The following LRP1B variants were observed in gnomAD, a reference collection of about 807,000 sequenced individuals.
The protein encoded by LRP1B is LDL receptor related protein 1B.
LRP1B carries 217 observed loss-of-function variants against 556.6 expected under a neutral mutation model. The ratio of observed to expected loss-of-function variants is 0.39; its 90% CI spans 0.35 to 0.44. The LOEUF (loss-of-function observed/expected upper bound fraction) is 0.44. Among genes scored for constraint, LRP1B ranks in the 20% least tolerant of loss-of-function variants. LRP1B has a pLI of 1.00. For missense variants in LRP1B, 5,053 were observed against 5,620.8 expected (o/e 0.90, Z 3.23); for synonymous variants, 2,047 against 1,865.8 (o/e 1.10, Z -2.50).
chr2:140,383,536 G>A (rs558267111), intron 67 of LRP1B, among the ~76,000 whole-genome samples: 1 of 151,952 alleles, frequency 6.6e-6, no homozygotes, highest in African/African-American at 2.4e-5. Flanking sequence ...ATTTCTTCTG[G>A]CCTATTCAAA....
chr2:140,765,533 A>G (rs1400390590), intron 35 of LRP1B, among the ~76,000 whole-genome samples: 1 of 152,172 alleles, frequency 6.6e-6, no homozygotes, highest in Non-Finnish European at 1.5e-5. Flanking sequence ...CCCAGCAGGC[A>G]AGGATTTTCA....
At chr2:141,983,560 G>C (rs1386730599) in intron 1 of LRP1B, among the ~76,000 whole-genome samples, 1 of 152,110 alleles carries the variant, frequency 6.6e-6, no homozygotes, top group East Asian at 1.9e-4. Context: ...TAAAGTAGAA[G>C]TAGTTACTAC....
chr2:141,256,463 G>T (rs1328130695), intron 3 of LRP1B, among the ~76,000 whole-genome samples: 1 of 151,944 alleles, frequency 6.6e-6, no homozygotes, highest in Non-Finnish European at 1.5e-5. Context: ...TTCTGTTTAG[G>T]CAACAGGAGA....
chr2:140,453,916 A>G (rs1485779281), intron 62 of LRP1B, among the ~76,000 whole-genome samples: 1 of 152,208 alleles, frequency 6.6e-6, no homozygotes, highest in African/African-American at 2.4e-5. Context: ...GATGCTTACT[A>G]GCATGATTCT....
chr2:140,289,884 T>G (rs1683305652), intron 84 of LRP1B, among the ~76,000 whole-genome samples: 1 of 152,042 alleles, frequency 6.6e-6, no homozygotes, highest in South Asian at 2.1e-4. Context: ...GAAACTGGAA[T>G]GTAAGCACCC....
chr2:141,136,127 AG>A (rs1364475443), intron 7 of LRP1B, among the ~76,000 whole-genome samples: 1 of 151,952 alleles, frequency 6.6e-6, no homozygotes, highest in Non-Finnish European at 1.5e-5. Flanking sequence ...TAAATATAAA[AG>A]GACATAGGCT....
chr2:141,025,773 C>T (rs1168104095), intron 11 of LRP1B, among the ~76,000 whole-genome samples: 1 of 152,000 alleles, frequency 6.6e-6, no homozygotes, highest in Non-Finnish European at 1.5e-5. Flanking sequence ...TTCTGTTTCT[C>T]TAGAGAATCC....
intron 41 of LRP1B, among the ~76,000 whole-genome samples, chr2:140,679,739 G>A (rs879555221): frequency 6.6e-6 from 1 of 151,894 alleles, no homozygotes; most frequent in African/African-American, 2.4e-5. Context: ...ACTGGTGCCT[G>A]AGCATAAGGG....
chr2:140,980,889 A>G (rs1215490116), intron 18 of LRP1B, among the ~76,000 whole-genome samples: 1 of 152,214 alleles, frequency 6.6e-6, no homozygotes, highest in Non-Finnish European at 1.5e-5. Flanking sequence ...TAGTATATAT[A>G]CACCATGGAA....
intron 3 of LRP1B, among the ~76,000 whole-genome samples, chr2:141,467,066 G>A (rs1162231905): frequency 1.4e-5 from 2 of 140,340 alleles, no homozygotes; most frequent in Admixed American, 7.1e-5. Context: ...TGGCTCCCCA[G>A]GATATATATA....
chr2:141,015,897 G>C lies in LRP1B; in HGVS notation c.1989C>G (p.Asp663Glu), dbSNP rs2105389763. The C allele has an allele frequency of 1.2e-6, 2 of 1,613,014 alleles. No homozygotes were observed. The highest frequency in any genetic ancestry group is 1.7e-6 in the Non-Finnish European group (2 of 1,179,460). ...TGTCATCTATTTCATCTTCCTCCCA[G>C]TCTGTCCAATACATCCAACTAAGAC... Reference protein sequence around the residue: ...DPVNGWMYWTDWEEDEIDDSV... With the variant: ...DPVNGWMYWTEWEEDEIDDSV... The change falls in exon 13 of 91, where the codon GAC (aspartate) becomes GAG (glutamate). Residue 663 changes from aspartate (D) to glutamate (E), a missense_variant. Physicochemically the swap from Asp to Glu is conservative, Grantham distance 45. Around this residue, in one of 5 missense-constraint regions of LRP1B, gnomAD observed 3,619 missense variants for 3,931.9 expected, o/e 0.92. Coordinates refer to ENST00000389484, the MANE Select transcript of LRP1B (RefSeq NM_018557.3).
chr2:140,322,688 GTTTAAATT>G (rs1680212357), intron 81 of LRP1B, among the ~76,000 whole-genome samples: 1 of 151,844 alleles, frequency 6.6e-6, no homozygotes, highest in South Asian at 2.1e-4. Flanking sequence ...ACATATTTTT[GTTTAAATT>G]TTTATCCAAT....
At chr2:140,426,053 G>A (rs1211304338) in intron 66 of LRP1B, among the ~76,000 whole-genome samples, 1 of 152,154 alleles carries the variant, frequency 6.6e-6, no homozygotes, top group African/African-American at 2.4e-5. Flanking sequence ...AAAGAAAACA[G>A]ATAATACAAA....
At chr2:140,863,777 C>T (rs957193913) in intron 27 of LRP1B, among the ~76,000 whole-genome samples, 1 of 152,120 alleles carries the variant, frequency 6.6e-6, no homozygotes, top group Non-Finnish European at 1.5e-5. Flanking sequence ...ATTTCATTTA[C>T]TATACTCTTA....
At chr2:140,370,226 C>G (rs1209842350) in intron 71 of LRP1B, among the ~76,000 whole-genome samples, 2 of 151,802 alleles carry the variant, frequency 1.3e-5, no homozygotes, top group African/African-American at 4.8e-5. Flanking sequence ...AGTGATACGG[C>G]AATAAGGAAA....
intron 1 of LRP1B, among the ~76,000 whole-genome samples, chr2:142,053,527 A>G (rs1189107881): frequency 1.3e-5 from 2 of 152,168 alleles, no homozygotes; most frequent in Non-Finnish European, 2.9e-5. Flanking sequence ...ATAAATCTAT[A>G]GATATGTAAT....
chr2:141,212,249 A>ATT (rs59699046), intron 6 of LRP1B, among the ~76,000 whole-genome samples: 3 of 62,226 alleles, frequency 4.8e-5, no homozygotes, highest in Non-Finnish European at 9.2e-5. Flanking sequence ...AAAAGTCTAG[A>ATT]TTTTTTTTTT....
At chr2:141,690,396 A>AATAAATAAATAAATAAAT (rs5834858) in intron 2 of LRP1B, among the ~76,000 whole-genome samples, 2 of 26,928 alleles carry the variant, frequency 7.4e-5, no homozygotes, top group African/African-American at 2.3e-4. Context: ...TACATCTATA[A>AATAAATAAATAAATAAAT]ATATATATAT....
intron 66 of LRP1B, among the ~76,000 whole-genome samples, chr2:140,428,954 A>G (rs1448372692): frequency 1.3e-5 from 2 of 152,222 alleles, no homozygotes; most frequent in Non-Finnish European, 2.9e-5. Flanking sequence ...GACTACAGCC[A>G]CATCTCATTG....
Sources: allele counts gnomAD v4.1 joint callset (sites outside exome capture counted in the v4.1 genomes callset), GRCh38; gene constraint gnomAD v4.1.1; regional missense constraint gnomAD v4.1.1; transcripts MANE v1.5; gene names NCBI Gene and HGNC (gene_info 2026-07-23, HGNC 2026-07-21).